SNAPC1: variants seen among roughly 807,000 people sequenced by gnomAD.
The protein encoded by SNAPC1 is small nuclear RNA activating complex polypeptide 1.
Under a neutral mutation model 50.1 loss-of-function variants are expected in SNAPC1, and 42 were observed. That is an observed-to-expected ratio of 0.84 (90% CI 0.65 to 1.08). The LOEUF is 1.08. Among genes scored for constraint, SNAPC1 ranks in the 50% least tolerant of loss-of-function variants. The pLI is 0.00. For missense variants in SNAPC1, 477 were observed against 427.3 expected, an observed-to-expected ratio of 1.12 and a Z score of -1.02; for synonymous variants, 164 against 144.2, an observed-to-expected ratio of 1.14 and a Z score of -0.98.
chr14:61,780,772 C>T (rs899668019), intron 7 of SNAPC1, among the ~76,000 whole-genome samples: 1 of 151,966 alleles, frequency 6.6e-6, no homozygotes, highest in African/African-American at 2.4e-5. Context: ...GTTCTCTGTC[C>T]TGTTCCATTG....
chr14:61,782,243 TAAGGCATCCAAATCAAG>T lies in SNAPC1; in HGVS notation c.831_847del (p.Lys278SerfsTer8). The T allele has an allele frequency of 6.3e-7, 1 of 1,584,236 alleles. No homozygotes were observed. Among genetic ancestry groups the T allele is most frequent in the African/African-American group, 1.4e-5 (1 of 73,330 alleles). On this transcript the variant is annotated splice_acceptor_variant and splice_polypyrimidine_tract_variant and coding_sequence_variant and intron_variant, in exon 8 of 10. Transcript: ENST00000216294. LOFTEE classifies it high-confidence loss of function. ...TATTGGTTAATTGGATTGTAACTCTTAAGGCATCCAAATCAAGAAGGCATCGTCAAGTCAAACTCGAC... is the reference window on the plus strand; with the variant it reads ...TATTGGTTAATTGGATTGTAACTCTTAAGGCATCGTCAAGTCAAACTCGAC...
At chr14:61,773,512 G>A (rs558329056) in intron 4 of SNAPC1, among the ~76,000 whole-genome samples, 43 of 148,070 alleles carry the variant, frequency 2.9e-4, no homozygotes, top group Admixed American at 2.8e-3. Context: ...CTCCTGCCTC[G>A]GCCTGCTGAG....
At chr14:61,786,818 C>T (rs1566592921) in intron 8 of SNAPC1, among the ~76,000 whole-genome samples, 1 of 152,230 alleles carries the variant, frequency 6.6e-6, no homozygotes, top group African/African-American at 2.4e-5. Context: ...GAGAAATGAA[C>T]ACTTAATGTT....
In SNAPC1 at chr14:61,792,807, G is replaced by C. The variant is rs1250221601; in HGVS notation, c.977G>C (p.Gly326Ala). 1 of 1,458,976 alleles carries C rather than the reference G, an allele frequency of 6.9e-7. No homozygotes were observed. The highest frequency in any genetic ancestry group is 9.3e-7 in the Non-Finnish European group (1 of 1,069,828). 90.4% of individuals were successfully genotyped at this position (1,458,976 alleles called of 1,614,324 possible). ...AAAATCATTTTCTAAATATTTCTAG[G>C]CAATGTGCAGAATATACACAAGGAA... The part of the protein sequence containing the change: ...AGRKMSLRNK[G>A]NVQNIHKEDK... The change falls in exon 9 of 10, where the codon GGC (glycine) becomes GCC (alanine). Residue 326 changes from glycine to alanine, a missense_variant and splice_region_variant. Gly to Ala is a moderately conservative substitution (Grantham distance 60). Transcript: ENST00000216294.
At chr14:61,789,746 G>A in intron 8 of SNAPC1, among the ~76,000 whole-genome samples, 1 of 152,152 alleles carries the variant, frequency 6.6e-6, no homozygotes, top group East Asian at 1.9e-4. Flanking sequence ...ATTGTGACCA[G>A]GCCTTAAATG....
intron 3 of SNAPC1, among the ~76,000 whole-genome samples, chr14:61,767,833 A>G (rs905898865): frequency 8.1e-5 from 12 of 148,184 alleles, no homozygotes; most frequent in Admixed American, 5.4e-4. Flanking sequence ...AGGCTGGAGT[A>G]CAGTGGTGCT....
intron 8 of SNAPC1, among the ~76,000 whole-genome samples, chr14:61,790,244 A>G (rs1356992430): frequency 1.3e-5 from 2 of 152,230 alleles, no homozygotes; most frequent in Non-Finnish European, 2.9e-5. Context: ...AGCTTTAATT[A>G]TGTGCTCACC....
Position 61,768,677 on chromosome 14 carries a change from T to G in SNAPC1, c.471T>G (p.Val157=). 1 of 1,611,992 alleles carries G rather than the reference T, an allele frequency of 6.2e-7. No individual in the cohort carries two copies. The highest frequency in any genetic ancestry group is 8.5e-7 in the Non-Finnish European group (1 of 1,178,360). ...RMKKKIHRAE[V]TEEFKDPSDR... ...AGAAAAAAATTCACCGAGCTGAAGT[T>G]ACAGAAGAATTTAAGGACCCAAGTG... The change falls in exon 4 of 10, where the codon GTT becomes GTG. Residue 157 remains valine (V), a synonymous_variant. Transcript: ENST00000216294.
chr14:61,794,907 T>C, intron 9 of SNAPC1, 42 bp from the exon 10 acceptor site: 3 of 1,424,454 alleles, frequency 2.1e-6, no homozygotes, highest in Non-Finnish European at 2.9e-6. Context: ...TGTTTTTTTT[T>C]TGTTTTTAGA....
rs2044955378 is a variant in SNAPC1 at position 61,767,280 on chromosome 14, T to C, written c.357T>C (p.His119=). The change falls in exon 3 of 10, where the codon CAT becomes CAC. Residue 119 remains histidine, a synonymous_variant. Coordinates refer to ENST00000216294, the MANE Select transcript of SNAPC1 (RefSeq NM_003082.4). ...AGCAAGATTTAGTAAATGCACAGCA[T>C]TTTGATGCAGCTTATATTTTTAGGA... ...KFQQDLVNAQ[H]FDAAYIFRKL... 3 of 1,536,490 alleles carry C rather than the reference T, an allele frequency of 2.0e-6. 1 individual carries two copies. The South Asian group carries it at 3.9e-5, about 20-fold the overall frequency.
chr14:61,782,774 C>T (rs1594649629), intron 8 of SNAPC1, among the ~76,000 whole-genome samples: 2 of 151,944 alleles, frequency 1.3e-5, no homozygotes, highest in East Asian at 3.9e-4. Context: ...GGCATGGTAG[C>T]GCATGCCTGT....
chr14:61,774,663 T>C (rs1346404548), intron 4 of SNAPC1, among the ~76,000 whole-genome samples: 13 of 143,092 alleles, frequency 9.1e-5, no homozygotes, highest in Admixed American at 4.2e-4. Flanking sequence ...TTTTTTTTTT[T>C]TTTTTTTTTT....
chr14:61,772,328 A>C (rs779056633), intron 4 of SNAPC1, among the ~76,000 whole-genome samples: 2 of 151,952 alleles, frequency 1.3e-5, no homozygotes, highest in African/African-American at 4.8e-5. Flanking sequence ...GCTCACTGCA[A>C]CTGCCACCCG....
At chr14:61,794,049 C>T (rs1354520305) in intron 9 of SNAPC1, among the ~76,000 whole-genome samples, 3 of 152,140 alleles carry the variant, frequency 2.0e-5, no homozygotes, top group East Asian at 1.9e-4. Flanking sequence ...ACTTTAGGTT[C>T]GTGCTGTTTC....
chr14:61,773,136 A>T (rs1050880346), intron 4 of SNAPC1, among the ~76,000 whole-genome samples: 1 of 151,898 alleles, frequency 6.6e-6, no homozygotes, highest in Non-Finnish European at 1.5e-5. Context: ...CACTTGTTCT[A>T]GTTTTGTGGT....
intron 7 of SNAPC1, among the ~76,000 whole-genome samples, chr14:61,779,706 T>TA (rs1566590789): frequency 3.9e-5 from 4 of 101,544 alleles, no homozygotes; most frequent in African/African-American, 1.1e-4. Context: ...TTCACTTTGT[T>TA]GGTTTTTTTT....
intron 7 of SNAPC1, among the ~76,000 whole-genome samples, chr14:61,780,325 C>A (rs2045063035): frequency 6.6e-6 from 1 of 152,200 alleles, no homozygotes; most frequent in African/African-American, 2.4e-5. Context: ...TTTGAGCCCA[C>A]ATCCTTTCTC....
chr14:61,795,081 A>G lies in SNAPC1; in HGVS notation c.*98A>G, dbSNP rs1371901096. On this transcript the variant is annotated 3_prime_UTR_variant, in exon 10 of 10. Transcript: ENST00000216294. Reference sequence around the variant, plus strand: ...CAGGAAGACTGCCAGTATTAAAAAAATCCTTCTGGGAATCTGTAGGTTATT... The same window carrying G: ...CAGGAAGACTGCCAGTATTAAAAAAGTCCTTCTGGGAATCTGTAGGTTATT... The G allele has an allele frequency of 2.6e-6, 2 of 756,856 alleles. No individual in the cohort carries two copies. The highest frequency in any genetic ancestry group is 2.7e-5 in the Admixed American group (1 of 36,798). 46.9% of individuals were successfully genotyped at this position (756,856 alleles called of 1,614,324 possible).
intron 4 of SNAPC1, among the ~76,000 whole-genome samples, chr14:61,775,554 T>C (rs2045029371): frequency 6.6e-6 from 1 of 152,122 alleles, no homozygotes; most frequent in Non-Finnish European, 1.5e-5. Flanking sequence ...ACACCTGGCC[T>C]ACCCTCTATA....
Sources: gnomAD v4.1 joint callset for allele counts (sites outside exome capture counted in the v4.1 genomes callset) on GRCh38, gnomAD v4.1.1 for gene constraint, MANE v1.5 for transcripts, NCBI Gene and HGNC (gene_info 2026-07-23, HGNC 2026-07-21) for gene names.